The following GALNT13 variants were observed in gnomAD, a reference collection of about 807,000 sequenced individuals.
GALNT13 encodes the protein UDP-GalNAc:polypeptide N-acetylgalactosaminyltransferase 13.
In GALNT13, 28 loss-of-function variants were observed where a neutral mutation model predicts 64.2. The ratio of observed to expected loss-of-function variants is 0.44; its 90% confidence interval spans 0.32 to 0.60. The LOEUF is 0.60. GALNT13 is among the 20% of genes least tolerant of loss of function. GALNT13 has a pLI of 0.05. For missense variants in GALNT13, 577 were observed against 669.8 expected (o/e 0.86, Z 1.53); for synonymous variants, 214 against 224.6 (o/e 0.95, Z 0.42).
At chr2:153,345,723 T>A in the GALNT13 span, among the ~76,000 whole-genome samples, 2 of 82,870 alleles carry the variant, frequency 2.4e-5, no homozygotes, top group South Asian at 5.0e-4. Context: ...CTTTCTGTCC[T>A]TCCTTCCTTC....
chr2:153,932,999 A>C (rs544129571), intron 2 of GALNT13, among the ~76,000 whole-genome samples: 1 of 152,236 alleles, frequency 6.6e-6, no homozygotes, highest in Non-Finnish European at 1.5e-5. Context: ...GTATGATTTC[A>C]GCTTTTTTAA....
the GALNT13 span, among the ~76,000 whole-genome samples, chr2:153,149,805 T>G: frequency 6.6e-6 from 1 of 151,916 alleles, no homozygotes; most frequent in Non-Finnish European, 1.5e-5. Flanking sequence ...TGTTTTGTTT[T>G]CATACACAAA....
chr2:153,841,090 C>T, the GALNT13 span, among the ~76,000 whole-genome samples: 4 of 152,030 alleles, frequency 2.6e-5, no homozygotes, highest in Non-Finnish European at 5.9e-5. Flanking sequence ...TTTTATATTA[C>T]TTAATGGAAT....
chr2:153,077,276 T>A, the GALNT13 span, among the ~76,000 whole-genome samples: 7 of 151,946 alleles, frequency 4.6e-5, 1 homozygote, highest in African/African-American at 1.7e-4. Flanking sequence ...AACAACTATC[T>A]AGCTGCAGAA....
At chr2:153,187,872 A>C in the GALNT13 span, among the ~76,000 whole-genome samples, 1 of 152,156 alleles carries the variant, frequency 6.6e-6, no homozygotes, top group African/African-American at 2.4e-5. Flanking sequence ...AACATATAAA[A>C]TAGGATAAGT....
the GALNT13 span, among the ~76,000 whole-genome samples, chr2:153,618,094 GTTCT>G: frequency 2.6e-5 from 4 of 151,512 alleles, no homozygotes; most frequent in African/African-American, 7.3e-5. Context: ...TGATTTTCTA[GTTCT>G]TTAAGATATA....
chr2:153,743,244 G>A, the GALNT13 span, among the ~76,000 whole-genome samples: 29 of 152,146 alleles, frequency 1.9e-4, no homozygotes, highest in African/African-American at 6.0e-4. Flanking sequence ...GAATTTACAG[G>A]CGTTTCCTTT....
chr2:153,862,222 C>T, the GALNT13 span, among the ~76,000 whole-genome samples: 3 of 152,080 alleles, frequency 2.0e-5, no homozygotes, highest in Middle Eastern at 6.3e-3. Flanking sequence ...TACACACATG[C>T]TTATATAATA....
At chr2:153,689,368 T>C in the GALNT13 span, among the ~76,000 whole-genome samples, 2 of 152,066 alleles carry the variant, frequency 1.3e-5, no homozygotes, top group Admixed American at 1.3e-4. Flanking sequence ...ATATTATCTA[T>C]ATGTTTCTAC....
rs371781677 is a variant in GALNT13 at position 154,453,787 on chromosome 2, T to C, written c.*3236T>C. The C allele has an allele frequency of 6.6e-6, 1 of 152,196 alleles. No individual in the cohort carries two copies. The highest frequency in any genetic ancestry group is 1.9e-4 in the East Asian group (1 of 5,192). 9.4% of individuals were successfully genotyped at this position (152,196 alleles called of 1,614,324 possible). On this transcript the variant is annotated 3_prime_UTR_variant, in exon 13 of 13. Coordinates refer to ENST00000392825, the MANE Select transcript of GALNT13 (RefSeq NM_052917.4). ...AAAGTTGCTAAGTGTAACTGTATCATACTTTTTTTGTATTTTAAATTTTAA... is the reference window on the plus strand; with the variant it reads ...AAAGTTGCTAAGTGTAACTGTATCACACTTTTTTTGTATTTTAAATTTTAA...
the GALNT13 span, among the ~76,000 whole-genome samples, chr2:153,103,663 C>A: frequency 6.6e-6 from 1 of 152,194 alleles, no homozygotes; most frequent in East Asian, 1.9e-4. Flanking sequence ...CTTTTTAGCA[C>A]TTTTCAGTAT....
the GALNT13 span, among the ~76,000 whole-genome samples, chr2:153,347,958 T>C: frequency 2.0e-5 from 3 of 152,192 alleles, no homozygotes; most frequent in African/African-American, 7.2e-5. Context: ...CTGGAAACTT[T>C]CCTGCCTAGC....
intron 3 of GALNT13, among the ~76,000 whole-genome samples, chr2:154,133,450 A>G (rs1173276076): frequency 6.7e-6 from 1 of 150,328 alleles, no homozygotes; most frequent in South Asian, 2.1e-4. Context: ...GTATTAACAC[A>G]TATCAATTTA....
chr2:153,541,826 A>T, the GALNT13 span, among the ~76,000 whole-genome samples: 1 of 152,216 alleles, frequency 6.6e-6, no homozygotes, highest in Non-Finnish European at 1.5e-5. Flanking sequence ...CATAAGCATA[A>T]AAATGGACAA....
intron 5 of GALNT13, 34 bp from the exon 6 acceptor site, chr2:154,242,664 A>G (rs1689557338): frequency 6.8e-7 from 1 of 1,473,430 alleles, no homozygotes; most frequent in Non-Finnish European, 9.4e-7. Flanking sequence ...ACAGTTTCAA[A>G]AATTTTTCTT....
the GALNT13 span, among the ~76,000 whole-genome samples, chr2:153,279,696 C>A: frequency 6.6e-6 from 1 of 152,046 alleles, no homozygotes; most frequent in East Asian, 1.9e-4. Flanking sequence ...ACCTTGCTCC[C>A]CAAGAATATA....
At chr2:153,469,581 AACT>A in the GALNT13 span, among the ~76,000 whole-genome samples, 1 of 152,154 alleles carries the variant, frequency 6.6e-6, no homozygotes, top group South Asian at 2.1e-4. Flanking sequence ...AAGCTAAGCC[AACT>A]CTCTGGGTTA....
At chr2:153,708,151 T>G in the GALNT13 span, among the ~76,000 whole-genome samples, 1 of 152,102 alleles carries the variant, frequency 6.6e-6, no homozygotes, top group African/African-American at 2.4e-5. Context: ...TTTGGCAATC[T>G]TCATTTTAGA....
the GALNT13 span, among the ~76,000 whole-genome samples, chr2:153,166,536 T>TG: frequency 1.3e-5 from 2 of 152,076 alleles, no homozygotes; most frequent in Non-Finnish European, 2.9e-5. Flanking sequence ...CACTCCTGGA[T>TG]GGCAGCAAGA....
Sources: allele counts gnomAD v4.1 joint callset (sites outside exome capture counted in the v4.1 genomes callset), GRCh38; gene constraint gnomAD v4.1.1; transcripts MANE v1.5; gene names NCBI Gene and HGNC (gene_info 2026-07-23, HGNC 2026-07-21).